MCM3AP: variants seen among roughly 807,000 people sequenced by gnomAD.
The protein encoded by MCM3AP is minichromosome maintenance complex component 3 associated protein, also known as germinal-center associated nuclear protein.
A neutral mutation model predicts 184.1 loss-of-function variants in MCM3AP; 126 were observed. That is an observed-to-expected ratio of 0.68 (90% CI 0.59 to 0.79). MCM3AP has a LOEUF of 0.79. Ranked by LOEUF, MCM3AP falls within the 30% of genes least tolerant of loss-of-function variation. The probability of loss-of-function intolerance (pLI) is 0.00; values close to 1 mark genes in which losing one functional copy is unlikely to be tolerated. For synonymous variants in MCM3AP, 1,002 were observed against 979.3 expected (o/e 1.02, Z -0.43); for missense variants, 2,496 against 2,479.2 (o/e 1.01, Z -0.14).
chr21:46,272,756 T>C lies in MCM3AP; in HGVS notation c.2270A>G (p.His757Arg). Residue 757 changes from histidine (H) to arginine (R), a missense_variant, in exon 8 of 28, where the codon CAC becomes CGC. Transcript: ENST00000291688. ...LIEKCTRFHI[H>R]CAHFMCEEPM... is the part of the protein sequence containing the mutation. Reference sequence around the variant, plus strand: ...CTCCTCACACATGAAGTGGGCACAGTGGATGTGAAACCGGGTGCACTTCTC... The same window carrying C: ...CTCCTCACACATGAAGTGGGCACAGCGGATGTGAAACCGGGTGCACTTCTC... 1 of 1,613,900 alleles carries C rather than the reference T, an allele frequency of 6.2e-7. No individual in the cohort carries two copies. Among genetic ancestry groups the C allele is most frequent in the Non-Finnish European group, 8.5e-7 (1 of 1,179,870 alleles).
intron 11 of MCM3AP, 119 bp from the exon 12 acceptor site, chr21:46,265,642 T>A (rs1252255240): frequency 2.3e-6 from 2 of 856,628 alleles, no homozygotes; most frequent in East Asian, 2.7e-5. Context: ...AGGACTGGCC[T>A]GCCCTCCAGG....
chr21:46,264,111 A>C lies in MCM3AP; in HGVS notation c.3335+6T>G. ...TAGCAGGAGGGGAGCACGAGATGCC[A>C]CTCACCCCAGGGCGGCAGCTGCGTA... is the stretch of plus-strand genomic sequence containing the variant. On this transcript the variant is annotated splice_donor_region_variant and intron_variant, in intron 13 of 27. Coordinates refer to ENST00000291688, the MANE Select transcript of MCM3AP (RefSeq NM_003906.5). The C allele has an allele frequency of 6.2e-7, 1 of 1,607,410 alleles. No homozygotes were observed. The highest frequency in any genetic ancestry group is 1.1e-5 in the South Asian group (1 of 90,908).
At chr21:46,269,542 T>C (rs1455789065) in intron 9 of MCM3AP, among the ~76,000 whole-genome samples, 1 of 152,192 alleles carries the variant, frequency 6.6e-6, no homozygotes, top group Admixed American at 6.5e-5. Context: ...GACTGTGACA[T>C]GACTGTGGGT....
At chr21:46,267,166 G>A in intron 9 of MCM3AP, 24 bp from the exon 10 acceptor site, 1 of 1,608,544 alleles carries the variant, frequency 6.2e-7, no homozygotes, top group Non-Finnish European at 8.5e-7. Context: ...CGAAATCACT[G>A]CAGTCTCAGA....
At position 46,259,018 on chromosome 21, in the gene MCM3AP, A is replaced by G. The variant is rs1384990375; in HGVS notation, c.3655T>C (p.Leu1219=). The G allele has an allele frequency of 2.5e-6, 4 of 1,614,006 alleles. No individual in the cohort carries two copies. Among genetic ancestry groups the G allele is most frequent in the Non-Finnish European group, 3.4e-6 (4 of 1,180,004 alleles). Residue 1219 remains leucine (L), a synonymous_variant, in exon 16 of 28, where the codon TTG becomes CTG. Coordinates refer to ENST00000291688, the MANE Select transcript of MCM3AP (RefSeq NM_003906.5). Reference sequence around the variant, plus strand: ...TGGAAGATTTCCTCCACGAGAAACAAGTCCACTAAGTGGGCACAGACATCC... The same window carrying G: ...TGGAAGATTTCCTCCACGAGAAACAGGTCCACTAAGTGGGCACAGACATCC... ...CEDVCAHLVD[L]FLVEEIFQTA...
At position 46,284,520 on chromosome 21, in the gene MCM3AP, G is replaced by C; in HGVS notation, c.767C>G (p.Ser256Cys). Reference sequence around the variant, plus strand: ...CTGGAAAGGTTCGCCCAAAACCGCAGATGATACAGGGAAGCTACTGAAGCT... The same window carrying C: ...CTGGAAAGGTTCGCCCAAAACCGCACATGATACAGGGAAGCTACTGAAGCT... ...NNSFSSFPVSSAVLGEPFQAS... is the reference protein window; with the variant it reads ...NNSFSSFPVSCAVLGEPFQAS... The change falls in exon 1 of 28, where the codon TCT becomes TGT. Residue 256 changes from serine to cysteine, a missense_variant. Physicochemically the swap from Ser to Cys is moderately radical, Grantham distance 112. Transcript: ENST00000291688. 6.2e-7 allele frequency: 1 copy of C among 1,614,198 alleles called. No homozygotes were observed. The highest frequency in any genetic ancestry group is 8.5e-7 in the Non-Finnish European group (1 of 1,180,044).
At chr21:46,235,462 A>C (rs1184775650) in intron 27 of MCM3AP, 36 bp from the exon 28 acceptor site, 1 of 1,593,268 alleles carries the variant, frequency 6.3e-7, no homozygotes, top group African/African-American at 1.3e-5. Flanking sequence ...CAGTTTTGGG[A>C]TGTCAATAAA....
chr21:46,279,854 T>C lies in MCM3AP; in HGVS notation c.1667+139A>G, dbSNP rs2081307258. The C allele has an allele frequency of 2.9e-5, 20 of 699,814 alleles. No homozygotes were observed. The highest frequency in any genetic ancestry group is 3.7e-5 in the Admixed American group (1 of 27,040). 43.4% of individuals were successfully genotyped at this position (699,814 alleles called of 1,614,324 possible). On this transcript the variant is annotated intron_variant, in intron 4 of 27. Coordinates refer to ENST00000291688, the MANE Select transcript of MCM3AP (RefSeq NM_003906.5). ...GCAGGAGGGGCAGAGCCCCTGCCCC[T>C]CCACCCCCAACCATCCCTAGCAACT...
In MCM3AP at chr21:46,240,811, C is replaced by T. The variant is rs1569049745; in HGVS notation, c.5633G>A (p.Arg1878Lys). Residue 1878 changes from arginine (R) to lysine (K), a missense_variant and splice_region_variant, in exon 26 of 28, where the codon AGG (arginine) becomes AAG (lysine). This residue lies in a region of MCM3AP where 1,323 missense variants were observed against 1,273.4 expected (regional missense o/e 1.04). Coordinates refer to ENST00000291688, the MANE Select transcript of MCM3AP (RefSeq NM_003906.5). ...SLLLEKEENK[R>K]FEDQLQQWLS... is the part of the protein sequence containing the mutation. ...TGAATTAGAAGGAAGTGGGCTTCAC[C>T]TCTTGTTCTCTTCTTTCTCCAGCAG... The T allele has an allele frequency of 1.9e-6, 3 of 1,613,680 alleles. No individual in the cohort carries two copies. The highest frequency in any genetic ancestry group is 8.5e-7 in the Non-Finnish European group (1 of 1,179,898).
Position 46,267,054 on chromosome 21 carries a change from C to T in MCM3AP, c.2717G>A (p.Arg906His), listed in dbSNP as rs187016623. ...STIFPLDGVV[R>H]MLLFRDCEEA... The stretch of plus-strand genomic sequence containing the variant: ...TTCACAGTCTCTGAACAGCAGCATG[C>T]GCACCACACCATCCAGGGGAAAGAT... The change falls in exon 10 of 28, where the codon CGC becomes CAC. Residue 906 changes from arginine (R) to histidine (H), a missense_variant. By Grantham distance (29) the Arg-to-His change is conservative. This residue lies in a region of MCM3AP where 138 missense variants were observed against 191.9 expected (regional missense o/e 0.72). Transcript: ENST00000291688. 271 of 1,614,120 alleles carry T rather than the reference C, an allele frequency of 1.7e-4. 2 individuals are homozygous for T. In the East Asian group the frequency reaches 4.8e-3, roughly 28 times the overall value.
chr21:46,259,904 C>CAA (rs58993039), intron 15 of MCM3AP, among the ~76,000 whole-genome samples: 7,102 of 79,996 alleles, frequency 0.089, 339 homozygotes, highest in African/African-American at 0.19. Context: ...AACTCCATTT[C>CAA]AAAAAAAAAA....
chr21:46,277,191 T>TA (rs1314056016), intron 5 of MCM3AP, among the ~76,000 whole-genome samples: 1 of 152,194 alleles, frequency 6.6e-6, no homozygotes, highest in Non-Finnish European at 1.5e-5. Context: ...TTCAACATTG[T>TA]AACAGTGTAA....
chr21:46,265,824 G>A (rs553679217), intron 11 of MCM3AP, 101 bp downstream of exon 11: 32 of 1,405,698 alleles, frequency 2.3e-5, no homozygotes, highest in Non-Finnish European at 2.9e-5. Context: ...CAGGCTCCTG[G>A]GAGGCGTCCT....
chr21:46,284,032 A>G (rs2081367027), intron 1 of MCM3AP, 36 bp downstream of exon 1: 2 of 1,581,496 alleles, frequency 1.3e-6, no homozygotes, highest in African/African-American at 1.4e-5. Flanking sequence ...ACCTGCCTGC[A>G]GGATTTACTC....
chr21:46,277,249 G>A (rs1024144049), intron 5 of MCM3AP, among the ~76,000 whole-genome samples: 5 of 152,054 alleles, frequency 3.3e-5, no homozygotes, highest in Non-Finnish European at 5.9e-5. Flanking sequence ...TCTGCCCCTC[G>A]GAATCCCGCT....
intron 13 of MCM3AP, among the ~76,000 whole-genome samples, chr21:46,262,140 G>A (rs1349544777): frequency 6.6e-6 from 1 of 152,164 alleles, no homozygotes; most frequent in East Asian, 1.9e-4. Context: ...AGAAAAATGT[G>A]AGTAGACCTA....
chr21:46,259,669 T>C (rs543132420), intron 15 of MCM3AP, among the ~76,000 whole-genome samples: 36 of 151,782 alleles, frequency 2.4e-4, no homozygotes, highest in African/African-American at 8.5e-4. Flanking sequence ...TCCCAGCACT[T>C]TGGGAGGCCA....
At chr21:46,271,940 G>GA (rs924798297) in intron 8 of MCM3AP, among the ~76,000 whole-genome samples, 40 of 145,920 alleles carry the variant, frequency 2.7e-4, no homozygotes, top group African/African-American at 7.8e-4. Context: ...AAAATACAAA[G>GA]AAAAAAAAAA....
chr21:46,280,819 T>C (rs1376870802), intron 2 of MCM3AP, among the ~76,000 whole-genome samples: 5 of 152,036 alleles, frequency 3.3e-5, no homozygotes, highest in African/African-American at 1.2e-4. Context: ...CCCCTTTTTT[T>C]TTTTGAGACA....
Sources: gnomAD v4.1 joint callset for allele counts (sites outside exome capture counted in the v4.1 genomes callset) on GRCh38, gnomAD v4.1.1 for gene constraint, gnomAD v4.1.1 regional missense constraint, MANE v1.5 for transcripts, NCBI Gene and HGNC (gene_info 2026-07-23, HGNC 2026-07-21) for gene names.